The following HYAL4 variants were observed in gnomAD, a reference collection of about 807,000 sequenced individuals.
The protein encoded by HYAL4 is hyaluronidase 4, also known as hyaluronidase-4.
HYAL4 carries 37 observed loss-of-function variants against 35.2 expected under a neutral mutation model. The ratio of observed to expected loss-of-function variants is 1.05; its 90% CI spans 0.81 to 1.38. The LOEUF (loss-of-function observed/expected upper bound fraction) is 1.38. Among genes scored for constraint, HYAL4 ranks in the 40% most tolerant of loss-of-function variants. HYAL4 has a pLI of 0.00. For missense variants in HYAL4, 572 were observed against 572.4 expected (o/e 1.00, Z 0.01); for synonymous variants, 198 against 203.2 (o/e 0.97, Z 0.22).
chr7:123,779,680 A>G, the HYAL4 span, among the ~76,000 whole-genome samples: 1 of 152,052 alleles, frequency 6.6e-6, no homozygotes, highest in Admixed American at 6.5e-5. Flanking sequence ...TAAAATTTTC[A>G]TCTCTAGGTA....
chr7:123,820,625 A>G, the HYAL4 span, among the ~76,000 whole-genome samples: 1 of 152,094 alleles, frequency 6.6e-6, no homozygotes, highest in African/African-American at 2.4e-5. Context: ...TTATTATAAG[A>G]ACACTTAATA....
chr7:123,796,858 G>A, the HYAL4 span, among the ~76,000 whole-genome samples: 2 of 152,168 alleles, frequency 1.3e-5, no homozygotes, highest in Non-Finnish European at 2.9e-5. Flanking sequence ...ACCACATATT[G>A]TATGATTCCA....
intron 4 of HYAL4, 123 bp downstream of exon 4, chr7:123,874,973 T>G: frequency 1.6e-6 from 1 of 638,498 alleles, no homozygotes; most frequent in East Asian, 2.7e-5. Context: ...AATCAGTGCC[T>G]GATACATAGC....
Position 123,869,053 on chromosome 7 carries a change from T to G in HYAL4, c.780T>G (p.Pro260=). ...WLWNSSAALY[P]SIGVWKSLGD... ...GGAACAGCAGTGCTGCTTTATATCCTTCTATCGGTGTCTGGAAATCCCTTG... is the reference window on the plus strand; with the variant it reads ...GGAACAGCAGTGCTGCTTTATATCCGTCTATCGGTGTCTGGAAATCCCTTG... The change falls in exon 3 of 5, where the codon CCT becomes CCG. Residue 260 remains proline (P), a synonymous_variant. Coordinates refer to ENST00000223026, the MANE Select transcript of HYAL4 (RefSeq NM_012269.3). 6.2e-7 allele frequency: 1 copy of G among 1,614,230 alleles called. No individual in the cohort carries two copies. The highest frequency in any genetic ancestry group is 2.2e-5 in the East Asian group (1 of 44,880).
At chr7:123,776,473 G>C in the HYAL4 span, among the ~76,000 whole-genome samples, 6 of 152,206 alleles carry the variant, frequency 3.9e-5, no homozygotes, top group African/African-American at 1.4e-4. Context: ...GAGTGCAGCA[G>C]TGTGATCATA....
chr7:123,840,083 A>G (rs558072238), upstream of HYAL4, among the ~76,000 whole-genome samples: 1 of 152,240 alleles, frequency 6.6e-6, no homozygotes, highest in Non-Finnish European at 1.5e-5. Context: ...CTTGAATGGT[A>G]TTGCCTAGGT....
At chr7:123,839,902 G>A (rs547665362) in intron 1 of HYAL4, among the ~76,000 whole-genome samples, 4 of 152,130 alleles carry the variant, frequency 2.6e-5, no homozygotes, top group East Asian at 3.9e-4. Flanking sequence ...TTGTCAGATG[G>A]ATAGATTGCA....
At chr7:123,872,764 C>T (rs1806917178) in intron 3 of HYAL4, among the ~76,000 whole-genome samples, 1 of 152,134 alleles carries the variant, frequency 6.6e-6, no homozygotes, top group African/African-American at 2.4e-5. Flanking sequence ...TTCTGATCCC[C>T]AAAACATAGC....
the HYAL4 span, among the ~76,000 whole-genome samples, chr7:123,820,524 G>A: frequency 2.0e-5 from 3 of 151,520 alleles, no homozygotes; most frequent in African/African-American, 7.3e-5. Context: ...CAGAGTTGGC[G>A]GTGAGTCAAG....
intron 2 of HYAL4, among the ~76,000 whole-genome samples, chr7:123,849,938 G>C (rs151047679): frequency 8.6e-6 from 1 of 115,816 alleles, no homozygotes; most frequent in Non-Finnish European, 2.0e-5. Flanking sequence ...GTAGAAACAT[G>C]TTTCTATATT....
At chr7:123,792,849 T>G in the HYAL4 span, among the ~76,000 whole-genome samples, 1 of 152,094 alleles carries the variant, frequency 6.6e-6, no homozygotes, top group Non-Finnish European at 1.5e-5. Context: ...GGGAGTAATA[T>G]CAGGTAAGGT....
upstream of HYAL4, among the ~76,000 whole-genome samples, chr7:123,842,568 T>G (rs764100162): frequency 2.6e-5 from 4 of 151,908 alleles, no homozygotes; most frequent in African/African-American, 7.2e-5. Flanking sequence ...CCTTCTGTCA[T>G]GTTGATCTGT....
chr7:123,861,007 C>G (rs1806564779), intron 2 of HYAL4, among the ~76,000 whole-genome samples: 1 of 152,138 alleles, frequency 6.6e-6, no homozygotes, highest in Admixed American at 6.5e-5. Flanking sequence ...CCATGTTTAC[C>G]AGAGACAAGA....
At chr7:123,861,571 T>A (rs1806576643) in intron 2 of HYAL4, among the ~76,000 whole-genome samples, 1 of 152,164 alleles carries the variant, frequency 6.6e-6, no homozygotes, top group African/African-American at 2.4e-5. Flanking sequence ...CAGAGATAAT[T>A]TAAACCTCTT....
At chr7:123,764,657 GCTCT>G in the HYAL4 span, among the ~76,000 whole-genome samples, 1 of 152,184 alleles carries the variant, frequency 6.6e-6, no homozygotes, top group Non-Finnish European at 1.5e-5. Context: ...TTTCCTTGTA[GCTCT>G]CTATCTCTTT....
chr7:123,877,248 A>G lies in HYAL4; in HGVS notation c.*93A>G. ...ACATTTTTTTTCTCTTATGAATTCT[A>G]TTGAGAGATATTATAAGTAGACATT... On this transcript the variant is annotated 3_prime_UTR_variant, in exon 5 of 5. Transcript: ENST00000223026. The G allele has an allele frequency of 8.5e-7, 1 of 1,181,014 alleles. No homozygotes were observed. Among genetic ancestry groups the G allele is most frequent in the Non-Finnish European group, 1.2e-6 (1 of 836,330 alleles). The allele number at this position is 1,181,014 out of a possible 1,614,324, so 73.2% of individuals were successfully genotyped here. A position where few individuals can be genotyped will look rare whatever the true frequency, so the allele number is the denominator to read the frequency against.
the HYAL4 span, among the ~76,000 whole-genome samples, chr7:123,784,939 AG>A: frequency 6.6e-6 from 1 of 152,234 alleles, no homozygotes; most frequent in Non-Finnish European, 1.5e-5. Context: ...CTACTGTGTT[AG>A]GGAGTTGTAT....
At chr7:123,859,943 G>C (rs1484975478) in intron 2 of HYAL4, among the ~76,000 whole-genome samples, 3 of 152,086 alleles carry the variant, frequency 2.0e-5, no homozygotes, top group Non-Finnish European at 4.4e-5. Flanking sequence ...TCCTGATATG[G>C]TTTGGCTCTG....
intron 3 of HYAL4, among the ~76,000 whole-genome samples, chr7:123,870,184 G>A (rs1046010284): frequency 4.6e-5 from 7 of 152,242 alleles, no homozygotes; most frequent in East Asian, 1.9e-4. Context: ...TGTTAAAGAC[G>A]TTCTGAGTTC....
Sources: gnomAD v4.1 joint callset for allele counts (sites outside exome capture counted in the v4.1 genomes callset) on GRCh38, gnomAD v4.1.1 for gene constraint, MANE v1.5 for transcripts, NCBI Gene and HGNC (gene_info 2026-07-23, HGNC 2026-07-21) for gene names.